Variants in YEATS4 observed in about 807,000 individuals in gnomAD.
YEATS4 encodes the protein YEATS domain-containing protein 4.
Under a neutral mutation model 30.1 loss-of-function variants are expected in YEATS4, and 17 were observed. That is an observed-to-expected ratio of 0.56 (90% CI 0.39 to 0.85). YEATS4 has a LOEUF of 0.85. Among genes scored for constraint, YEATS4 ranks in the 40% least tolerant of loss-of-function variants. The pLI, the probability that YEATS4 is intolerant of heterozygous loss-of-function variation, is 0.00. For missense variants in YEATS4, 142 were observed against 268.3 expected, an observed-to-expected ratio of 0.53 and a Z score of 3.29; for synonymous variants, 85 against 87.5, an observed-to-expected ratio of 0.97 and a Z score of 0.16.
the YEATS4 span, among the ~76,000 whole-genome samples, chr12:69,427,020 T>C: frequency 2.0e-5 from 3 of 152,194 alleles, no homozygotes; most frequent in South Asian, 6.2e-4. Flanking sequence ...CTTTGCTTGA[T>C]GTTTGGCTAT....
Position 69,370,926 on chromosome 12 carries a change from G to A in YEATS4, c.465G>A (p.Leu155=), listed in dbSNP as rs1478681194. ...QDPTAMMQQL[L]TTSRQLTLGA... Reference sequence around the variant, plus strand: ...CAACAGCAATGATGCAACAATTATTGACAACATCTCGTCAGCTAACATTAG... The same window carrying A: ...CAACAGCAATGATGCAACAATTATTAACAACATCTCGTCAGCTAACATTAG... Residue 155 remains leucine (L), a synonymous_variant, in exon 6 of 7, where the codon TTG becomes TTA. Transcript: ENST00000247843. The A allele has an allele frequency of 6.2e-7, 1 of 1,613,288 alleles. No individual in the cohort carries two copies. The highest frequency in any genetic ancestry group is 8.5e-7 in the Non-Finnish European group (1 of 1,179,706).
chr12:69,388,464 T>C (rs533688734), intron 6 of YEATS4, among the ~76,000 whole-genome samples: 98 of 152,314 alleles, frequency 6.4e-4, no homozygotes, highest in African/African-American at 2.2e-3. Flanking sequence ...TGGGTTTTTT[T>C]CCCACCAAAC....
intron 6 of YEATS4, among the ~76,000 whole-genome samples, chr12:69,375,837 G>A (rs545122561): frequency 6.6e-6 from 1 of 152,234 alleles, no homozygotes; most frequent in Admixed American, 6.5e-5. Flanking sequence ...GTTGCAGTGA[G>A]CCGAGATGGC....
chr12:69,396,347 T>C, the YEATS4 span, among the ~76,000 whole-genome samples: 1 of 152,134 alleles, frequency 6.6e-6, no homozygotes, highest in South Asian at 2.1e-4. Flanking sequence ...ACTTTCAGAG[T>C]CACACAATCT....
At chr12:69,376,315 G>A (rs1040418234) in intron 6 of YEATS4, among the ~76,000 whole-genome samples, 1 of 152,234 alleles carries the variant, frequency 6.6e-6, no homozygotes, top group East Asian at 1.9e-4. Context: ...GCAATGAGCC[G>A]AGATTGTGTC....
chr12:69,387,395 T>C (rs1276684956), intron 6 of YEATS4, among the ~76,000 whole-genome samples: 2 of 152,238 alleles, frequency 1.3e-5, no homozygotes, highest in Admixed American at 1.3e-4. Context: ...CTTGATGTTC[T>C]TCCAGAATTA....
chr12:69,402,090 C>T, the YEATS4 span, among the ~76,000 whole-genome samples: 1 of 152,184 alleles, frequency 6.6e-6, no homozygotes, highest in Admixed American at 6.5e-5. Context: ...AGCCTCTCAT[C>T]TGGGAAGTGC....
chr12:69,374,390 A>G (rs1176153861), intron 6 of YEATS4, among the ~76,000 whole-genome samples: 1 of 151,680 alleles, frequency 6.6e-6, no homozygotes, highest in Non-Finnish European at 1.5e-5. Context: ...GTGGTAAATG[A>G]GATTACTTTC....
chr12:69,421,467 T>C, the YEATS4 span, among the ~76,000 whole-genome samples: 336 of 152,304 alleles, frequency 2.2e-3, 6 homozygotes, highest in East Asian at 0.039. Context: ...TATTCACATG[T>C]ATACCTTAAA....
Position 69,390,515 on chromosome 12 carries a change from A to C in YEATS4, c.*199A>C. The C allele has an allele frequency of 2.6e-6, 1 of 378,500 alleles. No individual in the cohort carries two copies. Among genetic ancestry groups the C allele is most frequent in the Non-Finnish European group, 4.6e-6 (1 of 218,436 alleles). The allele number at this position is 378,500 out of a possible 1,614,324, so 23.4% of individuals were successfully genotyped here. Reference sequence around the variant, plus strand: ...AAATATGTGTGTAAGAATGGATGCTATATAGGTATTTTACCAACCCATTTT... The same window carrying C: ...AAATATGTGTGTAAGAATGGATGCTCTATAGGTATTTTACCAACCCATTTT... On this transcript the variant is annotated 3_prime_UTR_variant, in exon 7 of 7. Transcript: ENST00000247843.
chr12:69,412,073 T>C, the YEATS4 span, among the ~76,000 whole-genome samples: 1 of 152,200 alleles, frequency 6.6e-6, no homozygotes, highest in Non-Finnish European at 1.5e-5. Flanking sequence ...GGAGCCCATG[T>C]CAGAGTCCAG....
intron 6 of YEATS4, among the ~76,000 whole-genome samples, chr12:69,385,325 T>C (rs1242583036): frequency 6.6e-6 from 1 of 152,174 alleles, no homozygotes; most frequent in Non-Finnish European, 1.5e-5. Flanking sequence ...AATTGTTTTG[T>C]GAGTATAAAT....
At chr12:69,424,080 G>A in the YEATS4 span, among the ~76,000 whole-genome samples, 4 of 152,146 alleles carry the variant, frequency 2.6e-5, no homozygotes, top group South Asian at 2.1e-4. Flanking sequence ...AAGAATGAAA[G>A]CCAACAAGTT....
At chr12:69,400,079 A>C in the YEATS4 span, among the ~76,000 whole-genome samples, 2 of 152,114 alleles carry the variant, frequency 1.3e-5, no homozygotes, top group Non-Finnish European at 2.9e-5. Context: ...TTGTGAATAT[A>C]CTAAAAACAA....
the YEATS4 span, among the ~76,000 whole-genome samples, chr12:69,415,952 C>T: frequency 3.9e-5 from 6 of 152,302 alleles, no homozygotes; most frequent in South Asian, 2.1e-4. Flanking sequence ...ATTAAGAAGC[C>T]TTGCAATACA....
chr12:69,382,634 C>T (rs1876124640), intron 6 of YEATS4, among the ~76,000 whole-genome samples: 1 of 152,156 alleles, frequency 6.6e-6, no homozygotes, highest in Admixed American at 6.5e-5. Flanking sequence ...GAGATGCCAT[C>T]CAAGGGCCAA....
intron 6 of YEATS4, among the ~76,000 whole-genome samples, chr12:69,387,820 A>G (rs1450781381): frequency 9.9e-5 from 15 of 152,234 alleles, no homozygotes; most frequent in Admixed American, 9.2e-4. Context: ...CTGATTGGTC[A>G]TGGCAGGCTG....
intron 6 of YEATS4, among the ~76,000 whole-genome samples, chr12:69,373,126 A>G (rs1411372016): frequency 1.3e-5 from 2 of 152,206 alleles, no homozygotes; most frequent in Non-Finnish European, 2.9e-5. Context: ...TCTTTTTGAT[A>G]TACTGACTTA....
intron 6 of YEATS4, among the ~76,000 whole-genome samples, chr12:69,384,088 G>A (rs1377005586): frequency 3.3e-5 from 5 of 152,140 alleles, no homozygotes; most frequent in Non-Finnish European, 5.9e-5. Context: ...TGTGACTTAG[G>A]TAGTCATTGA....
Sources: gnomAD v4.1 joint callset for allele counts (sites outside exome capture counted in the v4.1 genomes callset) on GRCh38, gnomAD v4.1.1 for gene constraint, MANE v1.5 for transcripts, NCBI Gene and HGNC (gene_info 2026-07-23, HGNC 2026-07-21) for gene names.